SOBP: variants seen among roughly 807,000 people sequenced by gnomAD.
The protein encoded by SOBP is sine oculis-binding protein homolog.
A neutral mutation model predicts 53.6 loss-of-function variants in SOBP; 4 were observed. The ratio of observed to expected loss-of-function variants is 0.07; its 90% CI spans 0.04 to 0.17. SOBP has a LOEUF of 0.17. Ranked by LOEUF, SOBP falls within the 10% of genes least tolerant of loss-of-function variation. The pLI is 1.00. For missense variants in SOBP, 1,088 were observed against 1,204.7 expected, an observed-to-expected ratio of 0.90 and a Z score of 1.43; for synonymous variants, 584 against 522.6, an observed-to-expected ratio of 1.12 and a Z score of -1.60.
At chr6:107,608,596 G>A (rs1394772694) in intron 5 of SOBP, among the ~76,000 whole-genome samples, 3 of 152,222 alleles carry the variant, frequency 2.0e-5, no homozygotes, top group Non-Finnish European at 4.4e-5. Context: ...CTAAAGCCGG[G>A]TAAGTGCTGC....
At chr6:107,593,476 G>A (rs916293681) in intron 5 of SOBP, among the ~76,000 whole-genome samples, 1 of 152,174 alleles carries the variant, frequency 6.6e-6, no homozygotes, top group Non-Finnish European at 1.5e-5. Flanking sequence ...GGGAGGTATG[G>A]AAGACTGTGT....
At position 107,548,399 on chromosome 6, in the gene SOBP, T is replaced by C. The variant is rs542918613; in HGVS notation, c.573+14789T>C. On this transcript the variant is annotated intron_variant, in intron 4 of 6. Coordinates refer to ENST00000317357, the MANE Select transcript of SOBP (RefSeq NM_018013.4). ...CTGGGACTACAGGCGCCCGCCACCA[T>C]GCCTGGCTAATTTTTTGTATTTTTA... Among the ~76,000 whole-genome samples the C allele has an allele frequency of 2.5e-3, 377 of 151,894 alleles. 1 individual carries two copies. Among genetic ancestry groups the C allele is most frequent in the Non-Finnish European group, 2.2e-3 (148 of 67,928 alleles).
rs540843912 is a variant in SOBP, at chr6:107,533,536, G to A, written c.499G>A (p.Gly167Arg). 1 of 1,614,144 alleles carries A rather than the reference G, an allele frequency of 6.2e-7. No homozygotes were observed. Among genetic ancestry groups the A allele is most frequent in the Non-Finnish European group, 8.5e-7 (1 of 1,180,026 alleles). Residue 167 changes from glycine (G) to arginine (R), a missense_variant, in exon 4 of 7, where the codon GGA becomes AGA. Coordinates refer to ENST00000317357, the MANE Select transcript of SOBP (RefSeq NM_018013.4). ...AATCAAGCGCTATTCCCTGAGTATG[G>A]GAAGTGAGGTGAAAAGCTTCTGCAG... is the stretch of plus-strand genomic sequence containing the variant. ...VGIKRYSLSM[G>R]SEVKSFCSEK...
chr6:107,564,673 C>T (rs57371733), intron 4 of SOBP, among the ~76,000 whole-genome samples: 2,066 of 148,056 alleles, frequency 0.014, 50 homozygotes, highest in African/African-American at 0.049. Context: ...ACCTGAGTGG[C>T]GTGGCTCAGA....
At chr6:107,638,935 G>C (rs846957) in intron 6 of SOBP, among the ~76,000 whole-genome samples, 149,610 of 152,250 alleles carry the variant, frequency 0.98, 73,521 homozygotes, top group East Asian at 1. Context: ...GACAGTCTTG[G>C]TCTGTTGCCC....
At chr6:107,627,515 T>C (rs545141101) in intron 5 of SOBP, among the ~76,000 whole-genome samples, 1 of 152,258 alleles carries the variant, frequency 6.6e-6, no homozygotes, top group East Asian at 1.9e-4. Flanking sequence ...TACAGGGCAG[T>C]TTTCTAATGA....
chr6:107,536,601 AC>A (rs2114992168), intron 4 of SOBP, among the ~76,000 whole-genome samples: 1 of 152,290 alleles, frequency 6.6e-6, no homozygotes, highest in African/African-American at 2.4e-5. Context: ...ACAGACTGTC[AC>A]TATGCAATAA....
chr6:107,563,271 A>T (rs1696658451), intron 4 of SOBP, among the ~76,000 whole-genome samples: 1 of 152,214 alleles, frequency 6.6e-6, no homozygotes, highest in Admixed American at 6.5e-5. Flanking sequence ...AAAGAAGAAA[A>T]ATAAGAATAA....
chr6:107,549,500 G>T, intron 4 of SOBP, among the ~76,000 whole-genome samples: 1 of 150,412 alleles, frequency 6.6e-6, no homozygotes. Flanking sequence ...GTGTCATTTT[G>T]CATTAAATGC....
At chr6:107,527,201 G>A (rs950698704) in intron 3 of SOBP, among the ~76,000 whole-genome samples, 1 of 152,234 alleles carries the variant, frequency 6.6e-6, no homozygotes, top group East Asian at 1.9e-4. Context: ...TGTGTGGATA[G>A]TTAATGTAAT....
chr6:107,642,741 A>T (rs934379883), intron 6 of SOBP, among the ~76,000 whole-genome samples: 14 of 152,204 alleles, frequency 9.2e-5, no homozygotes, highest in African/African-American at 3.4e-4. Flanking sequence ...TGTCTTTGAT[A>T]TAGTAAGCTG....
chr6:107,628,866 C>T (rs1334493468), intron 5 of SOBP, among the ~76,000 whole-genome samples: 1 of 152,198 alleles, frequency 6.6e-6, no homozygotes, highest in Non-Finnish European at 1.5e-5. Flanking sequence ...AGCAAGTGCT[C>T]AGGTGGGTCA....
At chr6:107,617,725 C>T (rs1013719708) in intron 5 of SOBP, among the ~76,000 whole-genome samples, 1 of 152,046 alleles carries the variant, frequency 6.6e-6, no homozygotes, top group South Asian at 2.1e-4. Flanking sequence ...CTGCCCACCC[C>T]ACAGCTTGAT....
chr6:107,660,181 C>T lies in SOBP; in HGVS notation c.*1978C>T, dbSNP rs953015478. 6.6e-6 allele frequency: 1 copy of T among 151,494 alleles called. No homozygotes were observed. The highest frequency in any genetic ancestry group is 2.4e-5 in the African/African-American group (1 of 41,216). The allele number at this position is 151,494 out of a possible 1,614,324, so 9.4% of individuals were successfully genotyped here. A position where few individuals can be genotyped will look rare whatever the true frequency, so the allele number is the denominator to read the frequency against. On this transcript the variant is annotated 3_prime_UTR_variant, in exon 7 of 7. Transcript: ENST00000317357. ...TTGGCTTTTCTCATTATTATGACTA[C>T]TGTTTTTTTTTGTTTTTTGTTTTTT...
intron 5 of SOBP, among the ~76,000 whole-genome samples, chr6:107,628,144 A>G (rs776344560): frequency 5.3e-5 from 8 of 152,246 alleles, no homozygotes; most frequent in Admixed American, 2.6e-4. Flanking sequence ...CCGAAGAGGA[A>G]TGATTCATTT....
At chr6:107,589,681 G>A (rs1785681756) in intron 5 of SOBP, among the ~76,000 whole-genome samples, 1 of 152,228 alleles carries the variant, frequency 6.6e-6, no homozygotes, top group African/African-American at 2.4e-5. Flanking sequence ...AGATCCTTTA[G>A]TTGGTGACTG....
chr6:107,546,167 C>T (rs1281074708), intron 4 of SOBP, among the ~76,000 whole-genome samples: 1 of 152,258 alleles, frequency 6.6e-6, no homozygotes, highest in Admixed American at 6.5e-5. Flanking sequence ...GAAGACTGTA[C>T]GCATGGACAT....
chr6:107,579,205 ATCCAGT>A (rs1785328716), intron 4 of SOBP, among the ~76,000 whole-genome samples: 1 of 152,122 alleles, frequency 6.6e-6, no homozygotes, highest in Non-Finnish European at 1.5e-5. Context: ...AGCCTGGATA[ATCCAGT>A]GTCGATTAAG....
intron 4 of SOBP, among the ~76,000 whole-genome samples, chr6:107,545,846 A>T (rs560100210): frequency 3.0e-4 from 46 of 152,270 alleles, no homozygotes; most frequent in African/African-American, 1.1e-3. Flanking sequence ...AACTGTGCTG[A>T]AAATGGCTAA....
Sources: gnomAD v4.1 joint callset for allele counts (sites outside exome capture counted in the v4.1 genomes callset) on GRCh38, gnomAD v4.1.1 for gene constraint, MANE v1.5 for transcripts, NCBI Gene and HGNC (gene_info 2026-07-23, HGNC 2026-07-21) for gene names.